Variants in CELF2 observed in about 807,000 individuals in gnomAD.
The protein encoded by CELF2 is CUGBP Elav-like family member 2.
Under a neutral mutation model 62.6 loss-of-function variants are expected in CELF2, and 8 were observed. That is an observed-to-expected ratio of 0.13 (90% CI 0.07 to 0.23). The LOEUF (loss-of-function observed/expected upper bound fraction) is 0.23. Ranked by LOEUF, CELF2 falls within the 10% of genes least tolerant of loss-of-function variation. CELF2 has a pLI of 1.00. For synonymous variants in CELF2, 258 were observed against 250.0 expected, an observed-to-expected ratio of 1.03 and a Z score of -0.30; for missense variants, 333 against 671.0, an observed-to-expected ratio of 0.50 and a Z score of 5.56.
At chr10:11,105,394 A>C (rs1219352464) in intron 1 of CELF2, 1 of 152,222 alleles carries the variant, frequency 6.6e-6, no homozygotes, top group Non-Finnish European at 1.5e-5. Flanking sequence ...ACGGAGACCA[A>C]GGGAGGTTTT....
Position 11,089,226 on chromosome 10 carries a change from G to A in CELF2, c.74+71063G>A, listed in dbSNP as rs1476874454. Among the ~76,000 whole-genome samples, 8 of 152,164 alleles carry A rather than the reference G, an allele frequency of 5.3e-5. No individual in the cohort carries two copies. The South Asian group carries it at 1.5e-3, about 28-fold the overall frequency. ...AGCATGTGGGATGGGAATAATTTCC[G>A]GAGCCATCTTTGAAACACACAGTAG... is the stretch of plus-strand genomic sequence containing the variant. On this transcript the variant is annotated intron_variant, in intron 1 of 12. Transcript: ENST00000633077.
At chr10:10,894,406 G>C (rs2062390184) in intron 1 of CELF2, among the ~76,000 whole-genome samples, 1 of 152,192 alleles carries the variant, frequency 6.6e-6, no homozygotes, top group Non-Finnish European at 1.5e-5. Flanking sequence ...GATATTGTAA[G>C]TAGCCTGACC....
chr10:11,009,012 G>T (rs1038498476), intron 1 of CELF2, among the ~76,000 whole-genome samples: 15 of 143,996 alleles, frequency 1.0e-4, no homozygotes, highest in East Asian at 2.2e-4. Flanking sequence ...TTGCGGGGGG[G>T]GGGGGGGAGC....
chr10:10,813,012 C>G (rs879725653), intron 1 of CELF2, among the ~76,000 whole-genome samples: 1 of 152,230 alleles, frequency 6.6e-6, no homozygotes. Context: ...ACCTTCCCAT[C>G]GGATCCCGAA....
At chr10:10,646,103 G>A in the CELF2 span, among the ~76,000 whole-genome samples, 1 of 152,158 alleles carries the variant, frequency 6.6e-6, no homozygotes, top group Non-Finnish European at 1.5e-5. Context: ...CAGATATTAG[G>A]CAGTTACTAG....
chr10:10,871,342 A>T (rs1051806891), intron 1 of CELF2, among the ~76,000 whole-genome samples: 14 of 152,226 alleles, frequency 9.2e-5, no homozygotes, highest in African/African-American at 2.9e-4. Context: ...TTCACTAAAA[A>T]TCTATGCGCC....
At chr10:11,277,658 AG>A (rs773629201) in intron 8 of CELF2, among the ~76,000 whole-genome samples, 4 of 152,260 alleles carry the variant, frequency 2.6e-5, no homozygotes, top group Non-Finnish European at 5.9e-5. Flanking sequence ...TATAAACCAA[AG>A]GAACATTAAA....
intron 2 of CELF2, among the ~76,000 whole-genome samples, chr10:11,195,051 A>G (rs891863782): frequency 4.6e-5 from 7 of 152,160 alleles, no homozygotes; most frequent in East Asian, 1.9e-4. Flanking sequence ...CTTTCCCTCT[A>G]TGGTTGAGAA....
chr10:11,079,265 A>G (rs1287640459), intron 1 of CELF2, among the ~76,000 whole-genome samples: 1 of 152,000 alleles, frequency 6.6e-6, no homozygotes, highest in African/African-American at 2.4e-5. Context: ...ACCTAAATGA[A>G]CTCTTATTCT....
intron 1 of CELF2, among the ~76,000 whole-genome samples, chr10:10,902,345 G>A (rs1389337558): frequency 6.6e-6 from 1 of 152,172 alleles, no homozygotes; most frequent in Non-Finnish European, 1.5e-5. Context: ...CAACCCACAT[G>A]TTCCTCAAGA....
intron 1 of CELF2, among the ~76,000 whole-genome samples, chr10:10,814,183 C>G (rs948806210): frequency 8.5e-5 from 7 of 82,294 alleles, no homozygotes; most frequent in African/African-American, 1.9e-4. Context: ...GAAATGGGAA[C>G]AAGAGAAGGA....
At chr10:10,831,730 G>T (rs562388385) in intron 1 of CELF2, among the ~76,000 whole-genome samples, 2 of 152,348 alleles carry the variant, frequency 1.3e-5, no homozygotes, top group African/African-American at 4.8e-5. Flanking sequence ...CCAGCACTTT[G>T]GGAGGCCAAG....
At chr10:10,500,293 C>T in the CELF2 span, among the ~76,000 whole-genome samples, 4 of 152,154 alleles carry the variant, frequency 2.6e-5, no homozygotes, top group Non-Finnish European at 5.9e-5. Context: ...TGTATTCCTA[C>T]TAATTTTCCC....
intron 8 of CELF2, among the ~76,000 whole-genome samples, chr10:11,283,363 A>C (rs998549891): frequency 2.6e-5 from 4 of 152,240 alleles, no homozygotes; most frequent in African/African-American, 9.7e-5. Context: ...GGGTACACAG[A>C]CTATCATGTT....
rs771158186 is a variant in CELF2, at chr10:11,314,173, A to G, written c.1011A>G (p.Ala337=). 1.2e-6 allele frequency: 2 copies of G among 1,613,748 alleles called. No homozygotes were observed. Among genetic ancestry groups the G allele is most frequent in the Non-Finnish European group, 1.7e-6 (2 of 1,179,840 alleles). Reference sequence around the variant, plus strand: ...CAACCCCCAACTCCACTGCTGGTGCAGCCATGAACTCCTTGACCTCTCTCG... The same window carrying G: ...CAACCCCCAACTCCACTGCTGGTGCGGCCATGAACTCCTTGACCTCTCTCG... ...AASTPNSTAG[A]AMNSLTSLGT... Residue 337 remains alanine, a synonymous_variant, in exon 10 of 13, where the codon GCA becomes GCG. Coordinates refer to ENST00000633077, the MANE Select transcript of CELF2 (RefSeq NM_001326342.2). The surrounding 1 kb of genome is among the most constrained non-coding windows in gnomAD (Gnocchi z 5.3).
At chr10:10,528,348 C>T in the CELF2 span, among the ~76,000 whole-genome samples, 1 of 152,168 alleles carries the variant, frequency 6.6e-6, no homozygotes, top group South Asian at 2.1e-4. Flanking sequence ...GCTGCAGACA[C>T]CTTGGCCTTC....
intron 2 of CELF2, among the ~76,000 whole-genome samples, chr10:11,193,110 C>T (rs1485514788): frequency 6.6e-6 from 1 of 152,148 alleles, no homozygotes; most frequent in Non-Finnish European, 1.5e-5. Flanking sequence ...CAGCCCTGAA[C>T]CCAAACACCC....
At chr10:10,886,679 A>T (rs1399978592) in intron 1 of CELF2, among the ~76,000 whole-genome samples, 2 of 152,184 alleles carry the variant, frequency 1.3e-5, no homozygotes, top group Non-Finnish European at 2.9e-5. Flanking sequence ...TCTGCAAAAA[A>T]TAAAAAATTA....
chr10:11,087,684 C>T lies in CELF2; in HGVS notation c.74+69521C>T, dbSNP rs138759785. 1.9e-3 allele frequency among the ~76,000 whole-genome samples: 286 copies of T among 152,322 alleles called. 1 individual carries two copies. The highest frequency in any genetic ancestry group is 6.3e-3 in the African/African-American group (264 of 41,578). On this transcript the variant is annotated intron_variant, in intron 1 of 12. Coordinates refer to ENST00000633077, the MANE Select transcript of CELF2 (RefSeq NM_001326342.2). ...AGGAATAATCAGCCTATCACAACAA[C>T]ACATACCCACAGAAACATCGTCTTA...
Sources: allele counts gnomAD v4.1 joint callset (sites outside exome capture counted in the v4.1 genomes callset), GRCh38; gene constraint gnomAD v4.1.1; non-coding constraint Gnocchi (gnomAD v3.1); transcripts MANE v1.5; gene names NCBI Gene and HGNC (gene_info 2026-07-23, HGNC 2026-07-21).